RSPH10B2: variants seen among roughly 807,000 people sequenced by gnomAD.
RSPH10B2 encodes the protein radial spoke head 10 homolog B2.
In RSPH10B2, 9 loss-of-function variants were observed where a neutral mutation model predicts 49.0. That is an observed-to-expected ratio of 0.18 (90% CI 0.11 to 0.32). The LOEUF is 0.32. RSPH10B2 is among the 10% of genes least tolerant of loss of function. The probability of loss-of-function intolerance (pLI) is 1.00; values close to 1 mark genes in which losing one functional copy is unlikely to be tolerated. For synonymous variants in RSPH10B2, 35 were observed against 210.2 expected, an observed-to-expected ratio of 0.17 and a Z score of 7.21; for missense variants, 95 against 589.9, an observed-to-expected ratio of 0.16 and a Z score of 8.69.
At chr7:6,797,680 C>T (rs1301308040) in intron 18 of RSPH10B2, among the ~76,000 whole-genome samples, 2 of 152,158 alleles carry the variant, frequency 1.3e-5, no homozygotes, top group Non-Finnish European at 2.9e-5. Flanking sequence ...ACAGCAAGAC[C>T]TCATCTCTAC....
chr7:6,795,805 T>C (rs1311113609), intron 17 of RSPH10B2, among the ~76,000 whole-genome samples: 6 of 148,038 alleles, frequency 4.1e-5, no homozygotes, highest in African/African-American at 1.5e-4. Context: ...GGTGCATGCC[T>C]GTATTCTCAG....
At chr7:6,756,396 G>GT (rs750509615), upstream of RSPH10B2, among the ~76,000 whole-genome samples, 1,524 of 66,154 alleles carry the variant, frequency 0.023, 3 homozygotes, top group Middle Eastern at 0.059. Flanking sequence ...GTTTTGTTTT[G>GT]TTTTTTTTGA....
chr7:6,797,088 A>C (rs1269640043), intron 18 of RSPH10B2: 1 of 329,094 alleles, frequency 3.0e-6, no homozygotes, highest in Admixed American at 5.1e-5. Flanking sequence ...AGCTCACTGC[A>C]ACCTCCGCCT....
At chr7:6,756,002 A>G (rs769764332), upstream of RSPH10B2, among the ~76,000 whole-genome samples, 8,319 of 137,500 alleles carry the variant, frequency 0.061, 95 homozygotes, top group East Asian at 0.32. Flanking sequence ...ACACCCGGTG[A>G]CTCACGCCTG....
At chr7:6,772,127 C>CT (rs1205895125) in intron 8 of RSPH10B2, among the ~76,000 whole-genome samples, 1 of 58,082 alleles carries the variant, frequency 1.7e-5, no homozygotes. Context: ...TGAGCAACTC[C>CT]TTTTTTAAAA....
At chr7:6,783,753 G>A (rs987637991) in intron 13 of RSPH10B2, among the ~76,000 whole-genome samples, 3 of 151,244 alleles carry the variant, frequency 2.0e-5, no homozygotes, top group East Asian at 3.8e-4. Context: ...GATTACAGGC[G>A]TGAGCCACTG....
At chr7:6,764,280 T>A (rs1388425519) in intron 4 of RSPH10B2, among the ~76,000 whole-genome samples, 179 bp downstream of exon 6, 3 of 125,984 alleles carry the variant, frequency 2.4e-5, no homozygotes, top group Admixed American at 7.8e-5. Flanking sequence ...GAGAAGGGGG[T>A]AGGGGCTAGC....
chr7:6,793,344 G>A lies in RSPH10B2; in HGVS notation c.2233+1347G>A, dbSNP rs527390670. 1.2e-4 allele frequency among the ~76,000 whole-genome samples: 14 copies of A among 116,618 alleles called. 4 individuals carry two copies. Among genetic ancestry groups the A allele is most frequent in the Non-Finnish European group, 1.9e-4 (11 of 58,336 alleles). 76.5% of individuals were successfully genotyped at this position (116,618 alleles called of 152,430 possible). A position where few individuals can be genotyped will look rare whatever the true frequency, so the allele number is the denominator to read the frequency against. Reference sequence around the variant, plus strand: ...TGGGATTACAGGTGTGAGCCACTGCGCCTGGCCCTCCCCCTTTTCTGACGG... The same window carrying A: ...TGGGATTACAGGTGTGAGCCACTGCACCTGGCCCTCCCCCTTTTCTGACGG... On this transcript the variant is annotated intron_variant, in intron 17 of 18. Transcript: ENST00000297186.
upstream of RSPH10B2, among the ~76,000 whole-genome samples, chr7:6,755,936 T>A: frequency 9.4e-6 from 1 of 106,478 alleles, no homozygotes; most frequent in African/African-American, 4.4e-5. Flanking sequence ...AGAGAGTCTG[T>A]CTAAAAAAAA....
chr7:6,756,155 A>T (rs1489139626), upstream of RSPH10B2, among the ~76,000 whole-genome samples: 3 of 144,446 alleles, frequency 2.1e-5, no homozygotes, highest in Non-Finnish European at 4.5e-5. Flanking sequence ...CTGTAGTCCC[A>T]GCTACTCAGG....
Position 6,785,453 on chromosome 7 carries a change from C to T in RSPH10B2, c.1759-496C>T, listed in dbSNP as rs1343498519. ...TCGGCCTCACAAGGTTCTGGGATTA[C>T]AGGTGTGAGCCACCATGTCTGGCCG... On this transcript the variant is annotated intron_variant, in intron 13 of 18. Coordinates refer to ENST00000297186, the Ensembl canonical transcript of RSPH10B2. 4.6e-5 allele frequency among the ~76,000 whole-genome samples: 7 copies of T among 152,264 alleles called. No individual in the cohort carries two copies. In the East Asian group the frequency reaches 1.3e-3, roughly 29 times the overall value.
chr7:6,791,151 A>G (rs1292924054), intron 16 of RSPH10B2, among the ~76,000 whole-genome samples: 7 of 132,960 alleles, frequency 5.3e-5, no homozygotes, highest in African/African-American at 1.7e-4. Flanking sequence ...ACAGGCACCC[A>G]CCCCCACGCC....
chr7:6,756,140 G>C (rs1346895648), upstream of RSPH10B2, among the ~76,000 whole-genome samples: 1 of 146,512 alleles, frequency 6.8e-6, no homozygotes, highest in Non-Finnish European at 1.5e-5. Flanking sequence ...TGTGGTGGTG[G>C]GTGCCTGTAG....
At chr7:6,780,349 A>G (rs536835849) in intron 11 of RSPH10B2, among the ~76,000 whole-genome samples, 1 of 124,814 alleles carries the variant, frequency 8.0e-6, no homozygotes, top group Non-Finnish European at 1.7e-5. Flanking sequence ...TTACAGCAAA[A>G]GTGGTTTTAT....
At position 6,792,954 on chromosome 7, in the gene RSPH10B2, T is replaced by C. The variant is rs375402163; in HGVS notation, c.2233+957T>C. ...CACCTTGTATTTTTAGTAGATGGGG[T>C]TTCATGATGTTGGCCAGGGTGGTCT... On this transcript the variant is annotated intron_variant, in intron 17 of 18. Coordinates refer to ENST00000297186, the Ensembl canonical transcript of RSPH10B2. 2.6e-3 allele frequency among the ~76,000 whole-genome samples: 300 copies of C among 113,766 alleles called. 107 individuals carry two copies. The East Asian group carries it at 0.1, about 40-fold the overall frequency. 74.6% of individuals were successfully genotyped at this position (113,766 alleles called of 152,430 possible).
intron 18 of RSPH10B2, among the ~76,000 whole-genome samples, chr7:6,797,295 C>T (rs1317209677): frequency 6.2e-5 from 9 of 145,812 alleles, no homozygotes; most frequent in African/African-American, 2.2e-4. Flanking sequence ...AGGGGTGAGT[C>T]ACTGCATGCA....
At chr7:6,756,142 T>G (rs1347397022), upstream of RSPH10B2, among the ~76,000 whole-genome samples, 3 of 142,766 alleles carry the variant, frequency 2.1e-5, no homozygotes, top group African/African-American at 5.3e-5. Context: ...TGGTGGTGGG[T>G]GCCTGTAGTC....
chr7:6,758,278 C>T (rs1384361326), intron 1 of RSPH10B2, among the ~76,000 whole-genome samples: 2 of 149,362 alleles, frequency 1.3e-5, no homozygotes, highest in African/African-American at 2.5e-5. Flanking sequence ...CTGTGCCTGG[C>T]CTGAAGGTAA....
intron 4 of RSPH10B2, among the ~76,000 whole-genome samples, chr7:6,764,613 A>G (rs1349209074): frequency 6.0e-4 from 90 of 151,190 alleles, no homozygotes; most frequent in South Asian, 2.1e-3. Flanking sequence ...CACCCACCTC[A>G]GCCTCCCAAA....
Sources: gnomAD v4.1 joint callset for allele counts (sites outside exome capture counted in the v4.1 genomes callset) on GRCh38, gnomAD v4.1.1 for gene constraint, MANE v1.5 for transcripts, NCBI Gene and HGNC (gene_info 2026-07-23, HGNC 2026-07-21) for gene names.